MCM9: variants seen among roughly 807,000 people sequenced by gnomAD.
MCM9 encodes the protein DNA helicase MCM9.
In MCM9, 55 loss-of-function variants were observed where a neutral mutation model predicts 72.8. The ratio of observed to expected loss-of-function variants is 0.76; its 90% confidence interval spans 0.61 to 0.95. The LOEUF is 0.95. MCM9 is among the 40% of genes least tolerant of loss of function. The probability of loss-of-function intolerance (pLI) is 0.00; values close to 1 mark genes in which losing one functional copy is unlikely to be tolerated. For synonymous variants in MCM9, 480 were observed against 503.4 expected (o/e 0.95, Z 0.62); for missense variants, 1,279 against 1,377.0 (o/e 0.93, Z 1.13).
At chr6:118,883,110 CAA>C (rs1778398067) in intron 8 of MCM9, among the ~76,000 whole-genome samples, 1 of 124,806 alleles carries the variant, frequency 8.0e-6, no homozygotes, top group African/African-American at 3.1e-5. Context: ...AATGTCTCAA[CAA>C]ATAGAGAATA....
At chr6:118,851,521 T>A (rs1359026424) in intron 9 of MCM9, among the ~76,000 whole-genome samples, 1 of 151,772 alleles carries the variant, frequency 6.6e-6, no homozygotes, top group East Asian at 1.9e-4. Flanking sequence ...AAATTAGTTA[T>A]GTGGGGTGAG....
chr6:118,822,896 G>A (rs887373656), intron 13 of MCM9, among the ~76,000 whole-genome samples: 5 of 152,132 alleles, frequency 3.3e-5, no homozygotes, highest in African/African-American at 1.2e-4. Context: ...AAACCTCCTG[G>A]CCTCCTTAGC....
chr6:118,882,091 G>A (rs533152691), intron 8 of MCM9, among the ~76,000 whole-genome samples: 63 of 152,238 alleles, frequency 4.1e-4, no homozygotes, highest in African/African-American at 1.4e-3. Flanking sequence ...CAATCCCAAC[G>A]CACAGAGTAG....
At chr6:118,898,937 C>CA (rs960337669) in intron 8 of MCM9, among the ~76,000 whole-genome samples, 3 of 152,090 alleles carry the variant, frequency 2.0e-5, no homozygotes, top group African/African-American at 4.8e-5. Context: ...TGACAGGTTC[C>CA]AAATTTTTAT....
intron 8 of MCM9, among the ~76,000 whole-genome samples, chr6:118,865,843 G>C (rs1777182654): frequency 1.4e-5 from 1 of 70,882 alleles, no homozygotes; most frequent in Non-Finnish European, 3.7e-5. Context: ...AGTGGTCCTA[G>C]ATCCAAGAAA....
intron 8 of MCM9, among the ~76,000 whole-genome samples, chr6:118,871,695 T>A (rs570232673): frequency 6.6e-6 from 1 of 151,906 alleles, no homozygotes; most frequent in South Asian, 2.1e-4. Context: ...GGCGGGCAGA[T>A]CACGAGGTCA....
intron 8 of MCM9, among the ~76,000 whole-genome samples, chr6:118,876,959 C>T (rs189219078): frequency 8.6e-4 from 131 of 152,290 alleles, no homozygotes; most frequent in Non-Finnish European, 1.7e-3. Context: ...TTGACCCATA[C>T]AGTATGGTGA....
At chr6:118,874,209 T>G (rs1777793568) in intron 8 of MCM9, among the ~76,000 whole-genome samples, 1 of 152,018 alleles carries the variant, frequency 6.6e-6, no homozygotes, top group South Asian at 2.1e-4. Context: ...GAGCCAAGAC[T>G]GAGTCACTGC....
At chr6:118,824,022 T>C (rs919578780) in intron 13 of MCM9, among the ~76,000 whole-genome samples, 2 of 129,902 alleles carry the variant, frequency 1.5e-5, no homozygotes, top group Non-Finnish European at 3.2e-5. Flanking sequence ...AAAATATCAA[T>C]AAGCAAACCC....
rs150601988 is a variant in MCM9, at chr6:118,844,828, G to A, written c.1325+11543C>T. Among the ~76,000 whole-genome samples the A allele has an allele frequency of 5.5e-3, 829 of 151,888 alleles. 34 individuals are homozygous for A. Among genetic ancestry groups the A allele is most frequent in the African/African-American group, 0.019 (801 of 41,222 alleles). ...TCTGTCTAAACAATTGTTTCCCAGC[G>A]CTGACAAACAGACTCTTGTTTTATC... On this transcript the variant is annotated intron_variant, in intron 9 of 13. Transcript: ENST00000619706.
chr6:118,814,824 C>A lies in MCM9; in HGVS notation c.3432G>T (p.Ter1144TyrextTer29). ...DWDEEMRKKS* is the reference protein window; with the variant it reads ...DWDEEMRKKSY ...GATTTGACCAGAAAGCTTTTCCCAACTATGACTTTTTTCTCATCTCTTCAT... is the reference window on the plus strand; with the variant it reads ...GATTTGACCAGAAAGCTTTTCCCAAATATGACTTTTTTCTCATCTCTTCAT... The change falls in exon 14 of 14, where the codon TAG becomes TAT. Residue 1144 changes from the stop codon to tyrosine, a stop_lost. Transcript: ENST00000619706. 1 of 1,490,422 alleles carries A rather than the reference C, an allele frequency of 6.7e-7. No homozygotes were observed. Among genetic ancestry groups the A allele is most frequent in the Non-Finnish European group, 8.9e-7 (1 of 1,119,042 alleles). 92.3% of individuals were successfully genotyped at this position (1,490,422 alleles called of 1,614,324 possible). A position where few individuals can be genotyped will look rare whatever the true frequency, so the allele number is the denominator to read the frequency against.
chr6:118,930,391 C>A (rs930402376), intron 3 of MCM9, among the ~76,000 whole-genome samples: 1 of 152,202 alleles, frequency 6.6e-6, no homozygotes, highest in African/African-American at 2.4e-5. Flanking sequence ...GGATTACAGG[C>A]GTGAGCCACC....
At chr6:118,823,793 G>T (rs1015414435) in intron 13 of MCM9, among the ~76,000 whole-genome samples, 1 of 151,636 alleles carries the variant, frequency 6.6e-6, no homozygotes, top group African/African-American at 2.4e-5. Context: ...GAAAATATAA[G>T]GAAATACCTT....
chr6:118,852,088 C>T (rs535182493), intron 9 of MCM9, among the ~76,000 whole-genome samples: 9 of 152,192 alleles, frequency 5.9e-5, no homozygotes, highest in South Asian at 2.1e-4. Flanking sequence ...CCTATTGCTC[C>T]GAGGCTACAA....
chr6:118,901,778 C>T (rs1193834210), intron 8 of MCM9, among the ~76,000 whole-genome samples: 23 of 152,214 alleles, frequency 1.5e-4, no homozygotes, highest in Non-Finnish European at 2.8e-4. Flanking sequence ...CAGCAATGTC[C>T]CATCAGTTAA....
At chr6:118,843,720 GTATATA>G (rs375762540) in intron 9 of MCM9, among the ~76,000 whole-genome samples, 3 of 102,006 alleles carry the variant, frequency 2.9e-5, no homozygotes, top group Admixed American at 1.1e-4. Flanking sequence ...ATATATATAT[GTATATA>G]TATATATATA....
intron 3 of MCM9, among the ~76,000 whole-genome samples, chr6:118,929,961 C>G (rs1466844518): frequency 6.6e-6 from 1 of 152,022 alleles, no homozygotes; most frequent in Non-Finnish European, 1.5e-5. Flanking sequence ...AGTATTTGGT[C>G]TTTTTGGGAA....
chr6:118,829,272 T>C (rs1774373868), intron 9 of MCM9, 22 bp from the exon 10 acceptor site: 2 of 1,530,722 alleles, frequency 1.3e-6, no homozygotes, highest in Non-Finnish European at 1.8e-6. Flanking sequence ...GACAGTACAA[T>C]TCACTGATTG....
At chr6:118,907,733 T>C (rs1780274006) in intron 8 of MCM9, 1 of 744,406 alleles carries the variant, frequency 1.3e-6, no homozygotes, top group Non-Finnish European at 2.1e-6. Flanking sequence ...AAACATCCTG[T>C]AGAAAGTTTA....
Sources: allele counts gnomAD v4.1 joint callset (sites outside exome capture counted in the v4.1 genomes callset), GRCh38; gene constraint gnomAD v4.1.1; transcripts MANE v1.5; gene names NCBI Gene and HGNC (gene_info 2026-07-23, HGNC 2026-07-21).